NELL2: variants seen among roughly 807,000 people sequenced by gnomAD.
NELL2 encodes protein kinase C-binding protein NELL2.
A neutral mutation model predicts 109.6 loss-of-function variants in NELL2; 41 were observed. The ratio of observed to expected loss-of-function variants is 0.37; its 90% CI spans 0.29 to 0.49. The LOEUF is 0.49. Among genes scored for constraint, NELL2 ranks in the 20% least tolerant of loss-of-function variants. The probability of loss-of-function intolerance (pLI) is 0.98; values close to 1 mark genes in which losing one functional copy is unlikely to be tolerated. For synonymous variants in NELL2, 355 were observed against 344.7 expected, an observed-to-expected ratio of 1.03 and a Z score of -0.33; for missense variants, 900 against 1,008.3, an observed-to-expected ratio of 0.89 and a Z score of 1.45.
At chr12:44,742,327 G>A (rs924908754) in intron 9 of NELL2, among the ~76,000 whole-genome samples, 1 of 152,118 alleles carries the variant, frequency 6.6e-6, no homozygotes, top group African/African-American at 2.4e-5. Flanking sequence ...CATCATCAAA[G>A]ACCAAAGGTA....
intron 12 of NELL2, among the ~76,000 whole-genome samples, chr12:44,687,785 A>G (rs1053334518): frequency 6.6e-6 from 1 of 152,224 alleles, no homozygotes; most frequent in Admixed American, 6.5e-5. Context: ...ATGAAGTTGC[A>G]AAAAGACTTT....
intron 9 of NELL2, among the ~76,000 whole-genome samples, chr12:44,721,899 T>C (rs941573549): frequency 1.1e-4 from 16 of 152,010 alleles, no homozygotes; most frequent in Non-Finnish European, 1.5e-5. Flanking sequence ...ATGACAGCTA[T>C]ATTAATAACT....
At chr12:44,773,896 C>T (rs1941647372) in intron 9 of NELL2, among the ~76,000 whole-genome samples, 1 of 68,904 alleles carries the variant, frequency 1.5e-5, no homozygotes, top group Admixed American at 1.3e-4. Context: ...CACATTGCTA[C>T]TGTCTTTCTC....
At chr12:44,721,046 T>C (rs953262489) in intron 9 of NELL2, among the ~76,000 whole-genome samples, 6 of 152,180 alleles carry the variant, frequency 3.9e-5, no homozygotes, top group African/African-American at 1.2e-4. Flanking sequence ...TCAAGCACCC[T>C]GTCCAGATCA....
At chr12:44,608,555 T>C (rs1945492851) in intron 14 of NELL2, among the ~76,000 whole-genome samples, 2 of 152,044 alleles carry the variant, frequency 1.3e-5, no homozygotes, top group South Asian at 4.1e-4. Flanking sequence ...CAACCTGTAG[T>C]CCTAACTTCC....
intron 9 of NELL2, among the ~76,000 whole-genome samples, chr12:44,739,291 C>T (rs567069259): frequency 1.3e-5 from 2 of 152,114 alleles, no homozygotes; most frequent in African/African-American, 4.8e-5. Flanking sequence ...TGGGATTTTT[C>T]CAAAAGTAGT....
At chr12:44,706,418 T>TG (rs1937882135) in intron 11 of NELL2, among the ~76,000 whole-genome samples, 1 of 152,134 alleles carries the variant, frequency 6.6e-6, no homozygotes, top group Admixed American at 6.6e-5. Context: ...AATCAGAGTA[T>TG]GGGTTGGCAA....
chr12:44,559,791 A>G (rs544820326), intron 15 of NELL2, among the ~76,000 whole-genome samples: 2 of 152,180 alleles, frequency 1.3e-5, no homozygotes, highest in Non-Finnish European at 2.9e-5. Flanking sequence ...ATTCACAAGG[A>G]TATTCAGGAC....
chr12:44,800,772 A>C (rs1489574089), intron 3 of NELL2, among the ~76,000 whole-genome samples: 1 of 152,222 alleles, frequency 6.6e-6, no homozygotes, highest in East Asian at 1.9e-4. Flanking sequence ...TTTATAGGTA[A>C]CATATTCTGA....
chr12:44,551,446 G>GACCT (rs1219663454), intron 15 of NELL2, among the ~76,000 whole-genome samples: 1 of 152,146 alleles, frequency 6.6e-6, no homozygotes, highest in Non-Finnish European at 1.5e-5. Context: ...GAGGATACAT[G>GACCT]AGTAAAGAAA....
At chr12:44,583,630 C>G (rs1418321442) in intron 15 of NELL2, among the ~76,000 whole-genome samples, 1 of 152,132 alleles carries the variant, frequency 6.6e-6, no homozygotes, top group Non-Finnish European at 1.5e-5. Context: ...GAAATTTTCA[C>G]TCTATAGAGG....
chr12:44,544,443 T>C (rs542213599), intron 15 of NELL2, among the ~76,000 whole-genome samples: 15 of 152,272 alleles, frequency 9.9e-5, no homozygotes, highest in African/African-American at 3.6e-4. Context: ...CCTGTATATC[T>C]GGTATGGTGC....
chr12:44,714,660 T>C lies in NELL2; in HGVS notation c.1076A>G (p.Tyr359Cys), dbSNP rs148097352. ...GAATAGTCTTCTTACCTTGCACTCA[T>C]AGAGAACACATACTCCAGAAGAGGA... ...VYSSSGVCVL[Y>C]ECKDQTMKLV... The change falls in exon 10 of 20, where the codon TAT becomes TGT. Residue 359 changes from tyrosine to cysteine, a missense_variant. Tyr to Cys is a radical substitution (Grantham distance 194). Coordinates refer to ENST00000429094, the MANE Select transcript of NELL2 (RefSeq NM_001145108.2). The C allele has an allele frequency of 9.4e-6, 15 of 1,590,874 alleles. No homozygotes were observed. The highest frequency in any genetic ancestry group is 2.7e-5 in the African/African-American group (2 of 73,608).
rs374539438 is a variant in NELL2, at chr12:44,547,165, C to G, written c.1664-14444G>C. Among the ~76,000 whole-genome samples, 8 of 152,294 alleles carry G rather than the reference C, an allele frequency of 5.3e-5. No homozygotes were observed. The South Asian group carries it at 1.7e-3, about 32-fold the overall frequency. On this transcript the variant is annotated intron_variant, in intron 15 of 19. Transcript: ENST00000429094. Reference sequence around the variant, plus strand: ...TACTTCTTAGAGGCAGGTTCCAACACTATAAAAAGGCTTGGTACGAAGTCT... The same window carrying G: ...TACTTCTTAGAGGCAGGTTCCAACAGTATAAAAAGGCTTGGTACGAAGTCT...
chr12:44,561,011 C>T (rs924634590), intron 15 of NELL2, among the ~76,000 whole-genome samples: 1 of 152,192 alleles, frequency 6.6e-6, no homozygotes, highest in Non-Finnish European at 1.5e-5. Flanking sequence ...CCCTGGGATG[C>T]AAGGCTGGTT....
At chr12:44,727,888 T>C (rs958842112) in intron 9 of NELL2, among the ~76,000 whole-genome samples, 1 of 152,108 alleles carries the variant, frequency 6.6e-6, no homozygotes, top group African/African-American at 2.4e-5. Context: ...CAAATGCCTC[T>C]GGAATTAACT....
upstream of NELL2, chr12:44,876,926 C>G (rs1945344999): frequency 1.6e-6 from 2 of 1,238,888 alleles, no homozygotes; most frequent in African/African-American, 1.5e-5. Context: ...GGGCGGGGCG[C>G]TGGAGAGCTT....
At chr12:44,886,139 GGAAGGAAGAAA>G (rs1945471030) in intron 1 of NELL2, among the ~76,000 whole-genome samples, 1 of 145,970 alleles carries the variant, frequency 6.9e-6, no homozygotes, top group Admixed American at 6.8e-5. Context: ...AAGGAAGGAA[GGAAGGAAGAAA>G]GGGAGAGAAT....
chr12:44,599,200 G>C (rs897261590), intron 15 of NELL2, among the ~76,000 whole-genome samples: 2 of 152,080 alleles, frequency 1.3e-5, no homozygotes, highest in Admixed American at 1.3e-4. Flanking sequence ...GACACCAAAA[G>C]TCCAAAACAT....
Sources: gnomAD v4.1 joint callset for allele counts (sites outside exome capture counted in the v4.1 genomes callset) on GRCh38, gnomAD v4.1.1 for gene constraint, MANE v1.5 for transcripts, NCBI Gene and HGNC (gene_info 2026-07-23, HGNC 2026-07-21) for gene names.